Variants in BCAR3 observed in about 807,000 individuals in gnomAD.
BCAR3 encodes BCAR3 adaptor protein, NSP family member, also known as breast cancer anti-estrogen resistance protein 3.
In BCAR3, 37 loss-of-function variants were observed where a neutral mutation model predicts 80.1. That is an observed-to-expected ratio of 0.46 (90% CI 0.36 to 0.61). The LOEUF (loss-of-function observed/expected upper bound fraction) is 0.61, where lower values mean the gene tolerates loss of function less well. Ranked by LOEUF, BCAR3 falls within the 20% of genes least tolerant of loss-of-function variation. BCAR3 has a pLI of 0.00. For synonymous variants in BCAR3, 389 were observed against 418.9 expected (o/e 0.93, Z 0.87); for missense variants, 978 against 1,068.2 (o/e 0.92, Z 1.18).
intron 2 of BCAR3, among the ~76,000 whole-genome samples, chr1:93,742,810 A>G (rs1353050885): frequency 6.6e-6 from 1 of 152,216 alleles, no homozygotes; most frequent in Non-Finnish European, 1.5e-5. Flanking sequence ...TTCAAAAACA[A>G]CAAACAACAA....
chr1:93,687,042 T>C (rs1364115565), intron 3 of BCAR3, among the ~76,000 whole-genome samples: 1 of 152,266 alleles, frequency 6.6e-6, no homozygotes, highest in Non-Finnish European at 1.5e-5. Flanking sequence ...CCGTTATTGC[T>C]GTTGAATACC....
intron 3 of BCAR3, among the ~76,000 whole-genome samples, chr1:93,690,385 C>A (rs972283525): frequency 6.6e-6 from 1 of 152,116 alleles, no homozygotes; most frequent in African/African-American, 2.4e-5. Context: ...TTCTAAGAAC[C>A]CTACATACAT....
intron 2 of BCAR3, among the ~76,000 whole-genome samples, chr1:93,663,089 G>A (rs761941550): frequency 1.3e-5 from 2 of 152,068 alleles, no homozygotes; most frequent in African/African-American, 2.4e-5. Flanking sequence ...CCAGGCCAGC[G>A]ATTCTTGCTT....
rs116420996 is a variant in BCAR3 at position 93,736,914 on chromosome 1, C to T, written c.-62-30772G>A. 2.8e-3 allele frequency among the ~76,000 whole-genome samples: 430 copies of T among 152,302 alleles called. 2 individuals are homozygous for T. Among genetic ancestry groups the T allele is most frequent in the African/African-American group, 9.6e-3 (398 of 41,568 alleles). ...TAGACCTTTCTGAAAGCATGGTCTACGGTCCATCTGCATCAGAATCATCTT... is the reference window on the plus strand; with the variant it reads ...TAGACCTTTCTGAAAGCATGGTCTATGGTCCATCTGCATCAGAATCATCTT... On this transcript the variant is annotated intron_variant, in intron 2 of 13. Transcript: ENST00000370244.
At chr1:93,628,845 C>T (rs1340429849) in intron 3 of BCAR3, among the ~76,000 whole-genome samples, 1 of 152,104 alleles carries the variant, frequency 6.6e-6, no homozygotes, top group East Asian at 1.9e-4. Context: ...ATCCTCAGCC[C>T]CTGGAACAGT....
chr1:93,697,688 G>A (rs1438851112), intron 3 of BCAR3, among the ~76,000 whole-genome samples: 1 of 152,198 alleles, frequency 6.6e-6, no homozygotes, highest in African/African-American at 2.4e-5. Context: ...CCCCTTTAAA[G>A]AGAGGGCTAG....
In BCAR3 at chr1:93,562,565, C is replaced by T. The variant is rs200379657; in HGVS notation, c.2300-146G>A. ...TGGGTGGATCACAAGATCAGGAGAT[C>T]GAGACCATCCTGGCTAACACAGTGA... is the stretch of plus-strand genomic sequence containing the variant. On this transcript the variant is annotated intron_variant, in intron 11 of 11. Coordinates refer to ENST00000260502, the MANE Select transcript of BCAR3 (RefSeq NM_003567.4). 78 of 610,498 alleles carry T rather than the reference C, an allele frequency of 1.3e-4. No individual in the cohort carries two copies. The East Asian group carries it at 1.8e-3, about 14-fold the overall frequency. 37.8% of individuals were successfully genotyped at this position (610,498 alleles called of 1,614,324 possible).
rs563321334 is a variant in BCAR3, at chr1:93,746,344, C to G, written c.-62-40202G>C. Among the ~76,000 whole-genome samples, 4 of 152,328 alleles carry G rather than the reference C, an allele frequency of 2.6e-5. No individual in the cohort carries two copies. In the South Asian group the frequency reaches 8.3e-4, roughly 32 times the overall value. ...TCAATTCAAGCCTCCCACCCCAACC[C>G]TCACACCTCCCTCCAGCCTTTCAGG... On this transcript the variant is annotated intron_variant, in intron 2 of 13. Transcript: ENST00000370244.
chr1:93,615,025 T>TA (rs1292528716), intron 3 of BCAR3, among the ~76,000 whole-genome samples: 3 of 149,684 alleles, frequency 2.0e-5, no homozygotes, highest in African/African-American at 7.4e-5. Flanking sequence ...TTTTTTTTTT[T>TA]AATCAAATCC....
intron 8 of BCAR3, 138 bp from the exon 9 acceptor site, chr1:93,571,979 C>T (rs762095686): frequency 1.1e-4 from 117 of 1,042,960 alleles, no homozygotes; most frequent in Middle Eastern, 3.1e-4. Context: ...ACAGTTTAGA[C>T]GGCCAATCTC....
chr1:93,662,199 A>G (rs961888818), intron 2 of BCAR3, among the ~76,000 whole-genome samples: 3 of 152,096 alleles, frequency 2.0e-5, no homozygotes, highest in Non-Finnish European at 2.9e-5. Flanking sequence ...TGTGTGACCA[A>G]CTCCGATGGT....
chr1:93,739,023 C>T (rs1020548220), intron 2 of BCAR3, among the ~76,000 whole-genome samples: 2 of 152,146 alleles, frequency 1.3e-5, no homozygotes, highest in Non-Finnish European at 2.9e-5. Context: ...CTGGCACTGC[C>T]TCTAATCTCC....
At chr1:93,580,203 G>A (rs1443928734) in intron 7 of BCAR3, among the ~76,000 whole-genome samples, 1 of 152,178 alleles carries the variant, frequency 6.6e-6, no homozygotes, top group African/African-American at 2.4e-5. Flanking sequence ...AGCCTGTTTT[G>A]GGGAGCCCTC....
chr1:93,709,790 C>T (rs147079756), intron 2 of BCAR3, among the ~76,000 whole-genome samples: 224 of 152,302 alleles, frequency 1.5e-3, no homozygotes, highest in Non-Finnish European at 1.6e-3. Flanking sequence ...ATCTGATCAA[C>T]TCAACCGTCC....
chr1:93,742,524 C>T (rs921715465), intron 2 of BCAR3, among the ~76,000 whole-genome samples: 4 of 152,180 alleles, frequency 2.6e-5, no homozygotes, highest in Non-Finnish European at 5.9e-5. Flanking sequence ...ACGTTCTCTC[C>T]GTTTGCCAGG....
chr1:93,578,509 T>C (rs1376950560), intron 7 of BCAR3, among the ~76,000 whole-genome samples: 1 of 152,170 alleles, frequency 6.6e-6, no homozygotes, highest in Admixed American at 6.5e-5. Context: ...CAACTAAGTG[T>C]CTGTGCATGT....
intron 3 of BCAR3, chr1:93,613,757 A>G: frequency 3.4e-6 from 5 of 1,452,026 alleles, no homozygotes; most frequent in Non-Finnish European, 4.7e-6. Flanking sequence ...AGCAAGCTGC[A>G]AACTTTTATC....
chr1:93,805,853 T>C (rs1653637243), intron 2 of BCAR3, among the ~76,000 whole-genome samples: 1 of 151,970 alleles, frequency 6.6e-6, no homozygotes, highest in Admixed American at 6.6e-5. Flanking sequence ...CTAAAAACCT[T>C]AGAGAAAACT....
intron 2 of BCAR3, among the ~76,000 whole-genome samples, chr1:93,830,013 C>T (rs1427987000): frequency 6.6e-6 from 1 of 152,190 alleles, no homozygotes; most frequent in Non-Finnish European, 1.5e-5. Flanking sequence ...CTCTCTCTTC[C>T]TCCTACTCTG....
Sources: gnomAD v4.1 joint callset for allele counts (sites outside exome capture counted in the v4.1 genomes callset) on GRCh38, gnomAD v4.1.1 for gene constraint, MANE v1.5 for transcripts, NCBI Gene and HGNC (gene_info 2026-07-23, HGNC 2026-07-21) for gene names.